NRG1: variants seen among roughly 807,000 people sequenced by gnomAD.
The protein encoded by NRG1 is neuregulin 1.
In NRG1, 18 loss-of-function variants were observed where a neutral mutation model predicts 63.8. The observed-to-expected ratio is 0.28, with a 90% CI of 0.19 to 0.42. The LOEUF is 0.42. NRG1 is among the 10% of genes least tolerant of loss of function. NRG1 has a pLI of 1.00. For synonymous variants in NRG1, 302 were observed against 301.3 expected, an observed-to-expected ratio of 1.00 and a Z score of -0.02; for missense variants, 762 against 814.7, an observed-to-expected ratio of 0.94 and a Z score of 0.79.
chr8:32,761,679 T>C (rs1181236717), intron 11 of NRG1, among the ~76,000 whole-genome samples: 1 of 151,852 alleles, frequency 6.6e-6, no homozygotes, highest in Non-Finnish European at 1.5e-5. Flanking sequence ...CATACTTGTG[T>C]GGTAGTTCCA....
rs974254635 is a variant in NRG1, at chr8:31,919,835, C to T, written c.37+280404C>T. On this transcript the variant is annotated intron_variant, in intron 1 of 10. Coordinates refer to the NRG1 transcript ENST00000519301. ...TACATTTATTAATACAAGGTGGGTCCGGGTCATATCTTATAATTTGTACTA... is the reference window on the plus strand; with the variant it reads ...TACATTTATTAATACAAGGTGGGTCTGGGTCATATCTTATAATTTGTACTA... Among the ~76,000 whole-genome samples the T allele has an allele frequency of 6.6e-5, 10 of 151,794 alleles. No homozygotes were observed. In the East Asian group the frequency reaches 9.7e-4, roughly 15 times the overall value.
intron 7 of NRG1, among the ~76,000 whole-genome samples, chr8:32,748,358 C>CAGAG (rs34657847): frequency 0.024 from 2,879 of 121,932 alleles, 114 homozygotes; most frequent in African/African-American, 0.07. Flanking sequence ...CACACACACA[C>CAGAG]AGAGAGAGAG....
At chr8:32,421,459 A>G (rs1563441797) in intron 1 of NRG1, among the ~76,000 whole-genome samples, 3 of 152,168 alleles carry the variant, frequency 2.0e-5, no homozygotes, top group Non-Finnish European at 4.4e-5. Flanking sequence ...GGGCAGCTAG[A>G]GCTCACAGGC....
chr8:31,938,405 C>G (rs1408165679), intron 1 of NRG1, among the ~76,000 whole-genome samples: 4 of 152,120 alleles, frequency 2.6e-5, no homozygotes, highest in Admixed American at 2.6e-4. Flanking sequence ...AGAATCTGAA[C>G]AGCAGTTCTT....
In NRG1 at chr8:32,276,120, C is replaced by A. The variant is rs186115917; in HGVS notation, c.38-319708C>A. Among the ~76,000 whole-genome samples the A allele has an allele frequency of 4.2e-3, 633 of 152,264 alleles. 2 individuals carry two copies. Among genetic ancestry groups the A allele is most frequent in the Non-Finnish European group, 6.5e-3 (443 of 68,002 alleles). On this transcript the variant is annotated intron_variant, in intron 1 of 10. Transcript: ENST00000519301. ...TGTTAACCATATTCACCCTACAGTG[C>A]CACAGAGCACTAGAATTCATTCACC...
intron 1 of NRG1, among the ~76,000 whole-genome samples, chr8:31,952,240 T>G (rs1442607133): frequency 1.3e-5 from 2 of 152,216 alleles, no homozygotes; most frequent in African/African-American, 4.8e-5. Flanking sequence ...GACTGGAACT[T>G]TTCTGAAATG....
At chr8:31,947,573 G>A (rs868180291) in intron 1 of NRG1, among the ~76,000 whole-genome samples, 40 of 152,004 alleles carry the variant, frequency 2.6e-4, no homozygotes, top group African/African-American at 8.7e-4. Flanking sequence ...TATTAGATCC[G>A]GTCAACATTA....
chr8:31,781,378 C>T (rs563020389), intron 1 of NRG1, among the ~76,000 whole-genome samples: 1 of 152,268 alleles, frequency 6.6e-6, no homozygotes, highest in South Asian at 2.1e-4. Flanking sequence ...ACTGGCATGA[C>T]TTCTTAAGCA....
At chr8:31,832,647 A>C (rs531489817) in intron 1 of NRG1, among the ~76,000 whole-genome samples, 5 of 152,104 alleles carry the variant, frequency 3.3e-5, no homozygotes, top group Non-Finnish European at 5.9e-5. Context: ...CAGAAAATTT[A>C]GTACTTTGTA....
At chr8:32,169,804 G>A (rs1199591434) in intron 1 of NRG1, among the ~76,000 whole-genome samples, 1 of 152,138 alleles carries the variant, frequency 6.6e-6, no homozygotes, top group Non-Finnish European at 1.5e-5. Flanking sequence ...TCTGTTATGG[G>A]TTGAATTATT....
intron 5 of NRG1, among the ~76,000 whole-genome samples, chr8:32,629,171 A>G (rs1378047722): frequency 2.6e-5 from 4 of 152,192 alleles, no homozygotes; most frequent in African/African-American, 9.7e-5. Context: ...AAATTATAAA[A>G]AATGTTCTTT....
intron 5 of NRG1, among the ~76,000 whole-genome samples, chr8:32,622,954 C>T (rs1218042570): frequency 6.6e-6 from 1 of 152,130 alleles, no homozygotes; most frequent in Non-Finnish European, 1.5e-5. Context: ...ATGATTTTAG[C>T]CTAAGTGATG....
chr8:32,325,829 C>G (rs1186100599), intron 1 of NRG1, among the ~76,000 whole-genome samples: 1 of 152,214 alleles, frequency 6.6e-6, no homozygotes, highest in Non-Finnish European at 1.5e-5. Context: ...AGTATTTACT[C>G]TGTGCAGAAT....
chr8:32,324,400 G>T (rs1038890680), intron 1 of NRG1, among the ~76,000 whole-genome samples: 7 of 152,202 alleles, frequency 4.6e-5, no homozygotes, highest in African/African-American at 1.4e-4. Context: ...ATTGAGTAGA[G>T]AAGTGTCTTG....
chr8:32,377,139 C>T (rs1227781035), intron 1 of NRG1, among the ~76,000 whole-genome samples: 1 of 152,100 alleles, frequency 6.6e-6, no homozygotes, highest in Non-Finnish European at 1.5e-5. Flanking sequence ...AAGAATTAGC[C>T]CAGTGCACAT....
chr8:31,697,298 TTTTAA>T (rs1333135382), intron 1 of NRG1, among the ~76,000 whole-genome samples: 3 of 152,170 alleles, frequency 2.0e-5, no homozygotes, highest in Admixed American at 2.0e-4. Flanking sequence ...CCTTTGGTAG[TTTTAA>T]TTTCTTTCTC....
intron 1 of NRG1, among the ~76,000 whole-genome samples, chr8:32,582,490 T>G (rs1343784950): frequency 6.6e-6 from 1 of 152,328 alleles, no homozygotes; most frequent in South Asian, 2.1e-4. Context: ...TAAAATAAAA[T>G]GAGCGGTTAT....
At position 32,038,758 on chromosome 8, in the gene NRG1, C is replaced by T. The variant is rs181835560; in HGVS notation, c.37+399327C>T. ...GGGGGCTGTGAGAGGGCTTGGTGTT[C>T]CCCCAAGCAGTCAGGCTTGCAGAGA... On this transcript the variant is annotated intron_variant, in intron 1 of 10. Coordinates refer to the NRG1 transcript ENST00000519301. Among the ~76,000 whole-genome samples the T allele has an allele frequency of 2.8e-3, 423 of 151,960 alleles. 3 individuals are homozygous for T. Among genetic ancestry groups the T allele is most frequent in the Non-Finnish European group, 2.9e-3 (197 of 67,968 alleles).
chr8:32,370,445 G>T (rs1001671124), intron 1 of NRG1, among the ~76,000 whole-genome samples: 2 of 152,110 alleles, frequency 1.3e-5, no homozygotes, highest in Non-Finnish European at 2.9e-5. Flanking sequence ...TCCTACAAAA[G>T]CATTGAAAAA....
Sources: gnomAD v4.1 joint callset for allele counts (sites outside exome capture counted in the v4.1 genomes callset) on GRCh38, gnomAD v4.1.1 for gene constraint, MANE v1.5 for transcripts, NCBI Gene and HGNC (gene_info 2026-07-23, HGNC 2026-07-21) for gene names.